The following CORO2B variants were observed in gnomAD, a reference collection of about 807,000 sequenced individuals.
CORO2B encodes coronin-2B.
CORO2B carries 26 observed loss-of-function variants against 58.8 expected under a neutral mutation model. The observed-to-expected ratio is 0.44, with a 90% CI of 0.32 to 0.61. The LOEUF is 0.61. CORO2B is among the 20% of genes least tolerant of loss of function. CORO2B has a pLI of 0.04. For synonymous variants in CORO2B, 242 were observed against 253.8 expected, an observed-to-expected ratio of 0.95 and a Z score of 0.44; for missense variants, 460 against 645.1, an observed-to-expected ratio of 0.71 and a Z score of 3.11.
chr15:68,717,561 C>T (rs1442074644), intron 8 of CORO2B, among the ~76,000 whole-genome samples: 1 of 152,120 alleles, frequency 6.6e-6, no homozygotes. Context: ...CAGAATGACT[C>T]ACTTCATCCT....
chr15:68,725,802 C>A (rs1228066188), intron 11 of CORO2B, 41 bp from the exon 12 acceptor site: 2 of 1,610,840 alleles, frequency 1.2e-6, no homozygotes, highest in African/African-American at 2.7e-5. Context: ...CACCTGCTCT[C>A]TCCTGGGCCC....
At chr15:68,589,970 C>T (rs1342673244) in intron 1 of CORO2B, among the ~76,000 whole-genome samples, 5 of 152,136 alleles carry the variant, frequency 3.3e-5, no homozygotes, top group Non-Finnish European at 7.4e-5. Flanking sequence ...TGGCCCGTGA[C>T]CCCCGGCTCT....
chr15:68,603,494 G>A lies in CORO2B; in HGVS notation c.15+24217G>A, dbSNP rs548952274. ...AGTCCATGTGTTTAGGGCAGAGTTA[G>A]GGTGACATGGTGCTGTGGGCTGAAT... On this transcript the variant is annotated intron_variant, in intron 1 of 11. Coordinates refer to ENST00000261861, the MANE Select transcript of CORO2B (RefSeq NM_006091.5). 1.4e-4 allele frequency among the ~76,000 whole-genome samples: 21 copies of A among 152,264 alleles called. No individual in the cohort carries two copies. The South Asian group carries it at 4.2e-3, about 30-fold the overall frequency.
At chr15:68,689,684 A>G (rs1892307442) in intron 2 of CORO2B, among the ~76,000 whole-genome samples, 1 of 152,216 alleles carries the variant, frequency 6.6e-6, no homozygotes, top group South Asian at 2.1e-4. Flanking sequence ...AGAAACAGTA[A>G]CTTGTACAAC....
At position 68,645,250 on chromosome 15, in the gene CORO2B, A is replaced by G; in HGVS notation, c.106A>G (p.Ile36Val). ...NREHCFDGIPITKNVHDNHFC... is the reference protein window; with the variant it reads ...NREHCFDGIPVTKNVHDNHFC... The stretch of plus-strand genomic sequence containing the variant: ...GGAGCACTGCTTCGATGGGATCCCC[A>G]TCACCAAGAATGTGCACGACAACCA... The change falls in exon 2 of 12, where the codon ATC becomes GTC. Residue 36 changes from isoleucine (I) to valine (V), a missense_variant. Coordinates refer to ENST00000261861, the MANE Select transcript of CORO2B (RefSeq NM_006091.5). The surrounding 1 kb of genome is among the most constrained non-coding windows in gnomAD (Gnocchi z 4.5). 2 of 1,614,140 alleles carry G rather than the reference A, an allele frequency of 1.2e-6. No homozygotes were observed. Among genetic ancestry groups the G allele is most frequent in the Middle Eastern group, 1.6e-4 (1 of 6,062 alleles).
the CORO2B span, among the ~76,000 whole-genome samples, chr15:68,554,195 T>C: frequency 6.6e-6 from 1 of 152,064 alleles, no homozygotes; most frequent in Admixed American, 6.5e-5. Flanking sequence ...GCTTTGCCAG[T>C]AGGTGGCGCT....
chr15:68,611,557 A>G (rs1900248024), intron 1 of CORO2B, among the ~76,000 whole-genome samples: 1 of 152,152 alleles, frequency 6.6e-6, no homozygotes, highest in Non-Finnish European at 1.5e-5. Flanking sequence ...TATATCTTCA[A>G]CTGAAAGCAT....
chr15:68,714,484 GA>G, intron 6 of CORO2B, 74 bp from the exon 7 acceptor site: 1 of 1,134,110 alleles, frequency 8.8e-7, no homozygotes, highest in South Asian at 1.3e-5. Context: ...GCCATCCTAA[GA>G]GGCCTTCCTG....
At chr15:68,707,367 A>G (rs1892808723) in intron 3 of CORO2B, among the ~76,000 whole-genome samples, 1 of 152,232 alleles carries the variant, frequency 6.6e-6, no homozygotes, top group Admixed American at 6.5e-5. Context: ...TATAAAAAAT[A>G]TGAAACACTT....
At position 68,719,408 on chromosome 15, in the gene CORO2B, T is replaced by C. The variant is rs758328056; in HGVS notation, c.1172-5T>C. ...CAGTGAGAGCGTTTCCCTTGCCTTC[T>C]TTAGATCCCGTGCTGATGTCTTTGA... On this transcript the variant is annotated splice_region_variant and splice_polypyrimidine_tract_variant and intron_variant, in intron 10 of 11. Coordinates refer to ENST00000261861, the MANE Select transcript of CORO2B (RefSeq NM_006091.5). 3.8e-5 allele frequency: 62 copies of C among 1,613,344 alleles called. No individual in the cohort carries two copies. The South Asian group carries it at 6.2e-4, about 16-fold the overall frequency.
At chr15:68,530,288 G>A in the CORO2B span, among the ~76,000 whole-genome samples, 6 of 152,234 alleles carry the variant, frequency 3.9e-5, no homozygotes, top group South Asian at 8.3e-4. Context: ...TGGCGCCACC[G>A]CACTCCAACC....
At chr15:68,694,631 A>G (rs1892466385) in intron 2 of CORO2B, among the ~76,000 whole-genome samples, 2 of 152,186 alleles carry the variant, frequency 1.3e-5, no homozygotes, top group African/African-American at 4.8e-5. Context: ...GCTGACTCCC[A>G]GAGCAGCAGG....
At chr15:68,641,988 C>T (rs900933940) in intron 1 of CORO2B, among the ~76,000 whole-genome samples, 1 of 150,440 alleles carries the variant, frequency 6.6e-6, no homozygotes, top group East Asian at 2.0e-4. Flanking sequence ...CTCAGCCTCC[C>T]GAGGTGCTGG....
Position 68,672,907 on chromosome 15 carries a change from T to G in CORO2B, c.217-22233T>G, listed in dbSNP as rs1267339966. ...AGCTCGGCGACCTTAGAGCAGCCCC[T>G]CACATCACAGTTTGGATCAGATGCG... On this transcript the variant is annotated intron_variant, in intron 2 of 11. Transcript: ENST00000261861. 2.0e-5 allele frequency among the ~76,000 whole-genome samples: 3 copies of G among 152,090 alleles called. No homozygotes were observed. The South Asian group carries it at 6.2e-4, about 32-fold the overall frequency.
At chr15:68,685,020 G>A (rs1298763538) in intron 2 of CORO2B, among the ~76,000 whole-genome samples, 1 of 152,178 alleles carries the variant, frequency 6.6e-6, no homozygotes, top group Non-Finnish European at 1.5e-5. Context: ...GATGATAGGG[G>A]TGGCCCATGA....
chr15:68,550,230 G>T, the CORO2B span, among the ~76,000 whole-genome samples: 24,172 of 152,042 alleles, frequency 0.16, 2,249 homozygotes, highest in Middle Eastern at 0.24. Context: ...ATACAGAGTG[G>T]GTCAGACCCC....
intron 1 of CORO2B, chr15:68,632,281 A>C: frequency 4.1e-6 from 4 of 985,500 alleles, no homozygotes; most frequent in Non-Finnish European, 4.8e-6. Context: ...TTGGATGTGC[A>C]AAGAAGATAC....
chr15:68,648,009 C>A, intron 2 of CORO2B, among the ~76,000 whole-genome samples: 1 of 117,774 alleles, frequency 8.5e-6, no homozygotes, highest in Non-Finnish European at 1.6e-5. Context: ...CCCTGGGCAA[C>A]GGAGAAAGAT....
At chr15:68,538,142 T>C in the CORO2B span, among the ~76,000 whole-genome samples, 185 of 152,300 alleles carry the variant, frequency 1.2e-3, no homozygotes, top group Middle Eastern at 3.4e-3. Flanking sequence ...CAAATCACTA[T>C]CCATTGGGTA....
Sources: allele counts gnomAD v4.1 joint callset (sites outside exome capture counted in the v4.1 genomes callset), GRCh38; gene constraint gnomAD v4.1.1; non-coding constraint Gnocchi (gnomAD v3.1); transcripts MANE v1.5; gene names NCBI Gene and HGNC (gene_info 2026-07-23, HGNC 2026-07-21).